Variants in COL4A3 observed in about 807,000 individuals in gnomAD.
COL4A3 encodes collagen alpha-3(IV) chain.
COL4A3 carries 135 observed loss-of-function variants against 217.4 expected under a neutral mutation model. The ratio of observed to expected loss-of-function variants is 0.62; its 90% CI spans 0.54 to 0.72. The LOEUF (loss-of-function observed/expected upper bound fraction) is 0.72, where lower values mean the gene tolerates loss of function less well. COL4A3 is among the 30% of genes least tolerant of loss of function. The pLI is 0.00. For synonymous variants in COL4A3, 690 were observed against 736.3 expected, an observed-to-expected ratio of 0.94 and a Z score of 1.02; for missense variants, 1,868 against 2,119.9, an observed-to-expected ratio of 0.88 and a Z score of 2.33.
At chr2:227,165,254 A>T (rs927772188) in intron 1 of COL4A3, among the ~76,000 whole-genome samples, 1 of 152,164 alleles carries the variant, frequency 6.6e-6, no homozygotes, top group African/African-American at 2.4e-5. Context: ...CCCAGCCGCC[A>T]CTTCCTAGCT....
chr2:227,202,746 A>AAAAT (rs1553738297), intron 1 of COL4A3, among the ~76,000 whole-genome samples: 5 of 22,214 alleles, frequency 2.3e-4, no homozygotes, highest in African/African-American at 4.7e-4. Flanking sequence ...AAAAAAAAAA[A>AAAAT]ATATATATAT....
At chr2:227,310,689 C>T (rs1488812591) in intron 50 of COL4A3, 87 bp from the exon 51 acceptor site, 4 of 1,052,358 alleles carry the variant, frequency 3.8e-6, no homozygotes, top group Non-Finnish European at 5.9e-6. Context: ...CTCACAGTTG[C>T]CCATTCATTC....
At chr2:227,238,767 T>C (rs969663825) in intron 2 of COL4A3, among the ~76,000 whole-genome samples, 104 of 152,318 alleles carry the variant, frequency 6.8e-4, no homozygotes, top group African/African-American at 2.4e-3. Flanking sequence ...ATAATAATTA[T>C]ACTTATTTTA....
chr2:227,253,410 A>C lies in COL4A3; in HGVS notation c.687+73A>C, dbSNP rs768364192. ...CAGAGCATATCAGCCTATACCGTTT[A>C]CTTACGGGCCAAGCTGAAATTGATG... On this transcript the variant is annotated intron_variant, in intron 12 of 51. Coordinates refer to ENST00000396578, the MANE Select transcript of COL4A3 (RefSeq NM_000091.5). This position sits in a 1 kb window ranked among gnomAD's most constrained non-coding sequence, Gnocchi z 4.4. The C allele has an allele frequency of 6.5e-7, 1 of 1,535,844 alleles. No individual in the cohort carries two copies. The highest frequency in any genetic ancestry group is 9.0e-7 in the Non-Finnish European group (1 of 1,108,736).
At chr2:227,202,735 T>TAAA (rs370401800) in intron 1 of COL4A3, among the ~76,000 whole-genome samples, 5 of 44,638 alleles carry the variant, frequency 1.1e-4, no homozygotes, top group African/African-American at 3.3e-4. Flanking sequence ...AATCCGTCTC[T>TAAA]AAAAAAAAAA....
At chr2:227,254,367 G>A (rs557161561) in intron 14 of COL4A3, among the ~76,000 whole-genome samples, 193 bp downstream of exon 14, 7 of 152,114 alleles carry the variant, frequency 4.6e-5, no homozygotes, top group South Asian at 2.1e-4. Flanking sequence ...ACATTTGACC[G>A]CAGAGATCAT....
intron 9 of COL4A3, among the ~76,000 whole-genome samples, chr2:227,248,743 G>C (rs528184043): frequency 6.6e-6 from 1 of 152,254 alleles, no homozygotes; most frequent in South Asian, 2.1e-4. Flanking sequence ...GATATGCAAA[G>C]ATGATTTGAG....
At chr2:227,285,461 A>T (rs2072262476) in intron 34 of COL4A3, among the ~76,000 whole-genome samples, 1 of 152,082 alleles carries the variant, frequency 6.6e-6, no homozygotes, top group South Asian at 2.1e-4. Context: ...TTTAGCAATG[A>T]AAAAGAAAGT....
chr2:227,254,383 C>T (rs1317166870), intron 14 of COL4A3, among the ~76,000 whole-genome samples: 5 of 152,062 alleles, frequency 3.3e-5, no homozygotes, highest in Non-Finnish European at 7.3e-5. Flanking sequence ...ATCATGAATA[C>T]ACTAGAGTTA....
intron 1 of COL4A3, among the ~76,000 whole-genome samples, chr2:227,180,185 C>A (rs1430828029): frequency 6.6e-6 from 1 of 152,152 alleles, no homozygotes; most frequent in Non-Finnish European, 1.5e-5. Context: ...ATTTTGCCAT[C>A]TTACGCAAAA....
At chr2:227,199,606 C>A (rs17367739) in intron 1 of COL4A3, among the ~76,000 whole-genome samples, 21,804 of 152,088 alleles carry the variant, frequency 0.14, 1,693 homozygotes, top group Non-Finnish European at 0.17. Flanking sequence ...CAGGATTAAT[C>A]CCTTACTTTA....
chr2:227,283,030 A>C (rs1156409804), intron 32 of COL4A3, among the ~76,000 whole-genome samples: 1 of 152,162 alleles, frequency 6.6e-6, no homozygotes, highest in African/African-American at 2.4e-5. Context: ...TAAATGACTA[A>C]TTCAATCTCT....
At chr2:227,232,449 C>T (rs2068457521) in intron 1 of COL4A3, among the ~76,000 whole-genome samples, 1 of 152,234 alleles carries the variant, frequency 6.6e-6, no homozygotes, top group East Asian at 1.9e-4. Flanking sequence ...AACCTCCACA[C>T]AGTTCTCCAT....
At chr2:227,226,589 C>T (rs1465108941) in intron 1 of COL4A3, among the ~76,000 whole-genome samples, 3 of 152,066 alleles carry the variant, frequency 2.0e-5, no homozygotes, top group Admixed American at 2.0e-4. Context: ...CCTGCCTCAG[C>T]CACCCAGGTA....
intron 1 of COL4A3, among the ~76,000 whole-genome samples, chr2:227,227,543 A>G (rs2068166279): frequency 6.6e-6 from 1 of 151,920 alleles, no homozygotes; most frequent in African/African-American, 2.4e-5. Flanking sequence ...AAAAAAGAAG[A>G]AGAAGAAATG....
chr2:227,305,782 C>G (rs1282660338), intron 47 of COL4A3: 1 of 152,042 alleles, frequency 6.6e-6, no homozygotes, highest in African/African-American at 2.4e-5. Flanking sequence ...AGTTTGATAC[C>G]TGGATCAACA....
chr2:227,205,532 C>T (rs962067306), intron 1 of COL4A3, among the ~76,000 whole-genome samples: 2 of 151,942 alleles, frequency 1.3e-5, no homozygotes, highest in African/African-American at 4.8e-5. Flanking sequence ...TATAATTGTA[C>T]ATGATCCCAG....
At chr2:227,245,034 A>C in intron 5 of COL4A3, 39 bp downstream of exon 5, 3 of 1,576,028 alleles carry the variant, frequency 1.9e-6, no homozygotes, top group Non-Finnish European at 2.6e-6. Flanking sequence ...AAAATTTAAA[A>C]GTAAGCTCAT....
chr2:227,166,771 A>T (rs1212760131), intron 1 of COL4A3, among the ~76,000 whole-genome samples: 1 of 152,214 alleles, frequency 6.6e-6, no homozygotes, highest in Non-Finnish European at 1.5e-5. Context: ...ATGTGCCTTC[A>T]TCTTGTAGAA....
Sources: allele counts gnomAD v4.1 joint callset (sites outside exome capture counted in the v4.1 genomes callset), GRCh38; gene constraint gnomAD v4.1.1; non-coding constraint Gnocchi (gnomAD v3.1); transcripts MANE v1.5; gene names NCBI Gene and HGNC (gene_info 2026-07-23, HGNC 2026-07-21).